The following RNF6 variants were observed in gnomAD, a reference collection of about 807,000 sequenced individuals.
The protein encoded by RNF6 is ring finger protein 6, also known as E3 ubiquitin-protein ligase RNF6.
A neutral mutation model predicts 50.1 loss-of-function variants in RNF6; 21 were observed. That is an observed-to-expected ratio of 0.42 (90% CI 0.30 to 0.60). The LOEUF (loss-of-function observed/expected upper bound fraction) is 0.60, where lower values mean the gene tolerates loss of function less well. RNF6 is among the 20% of genes least tolerant of loss of function. The probability of loss-of-function intolerance (pLI) is 0.20; values close to 1 mark genes in which losing one functional copy is unlikely to be tolerated. For missense variants in RNF6, 698 were observed against 838.2 expected (o/e 0.83, Z 2.07); for synonymous variants, 255 against 291.8 (o/e 0.87, Z 1.29).
At chr13:26,177,996 G>T (rs576294069) in intron 5 of RNF6, among the ~76,000 whole-genome samples, 1 of 152,236 alleles carries the variant, frequency 6.6e-6, no homozygotes, top group East Asian at 1.9e-4. Flanking sequence ...GACCAGCCTG[G>T]CCAACATGGT....
intron 5 of RNF6, among the ~76,000 whole-genome samples, chr13:26,159,440 C>T (rs144192687): frequency 0.019 from 2,868 of 151,998 alleles, 97 homozygotes; most frequent in African/African-American, 0.064. Flanking sequence ...CTGGATAACA[C>T]GGTGAAACGC....
At chr13:26,181,801 A>G (rs973988856) in intron 5 of RNF6, among the ~76,000 whole-genome samples, 1 of 152,172 alleles carries the variant, frequency 6.6e-6, no homozygotes, top group African/African-American at 2.4e-5. Context: ...GTTCTTAATT[A>G]TACTCTGGAG....
intron 5 of RNF6, among the ~76,000 whole-genome samples, chr13:26,170,515 A>T (rs1244269006): frequency 6.6e-6 from 1 of 152,142 alleles, no homozygotes; most frequent in African/African-American, 2.4e-5. Context: ...GGAACAAAAG[A>T]TGGGTAACAG....
chr13:26,192,709 G>A (rs1868510531), intron 5 of RNF6, among the ~76,000 whole-genome samples: 1 of 152,176 alleles, frequency 6.6e-6, no homozygotes, highest in South Asian at 2.1e-4. Flanking sequence ...AACCAGCTAG[G>A]AACAGAGGCC....
Position 26,143,513 on chromosome 13 carries a change from G to A in RNF6, n.769-11062C>T, listed in dbSNP as rs145255811. ...AAGACCTCAGAGCATAAGGTTGTAG[G>A]AACAGGAAGAAAACTTTTGCTAGTG... On this transcript the variant is annotated intron_variant and non_coding_transcript_variant, in intron 5 of 5. Transcript: ENST00000468480. 4.6e-3 allele frequency among the ~76,000 whole-genome samples: 684 copies of A among 147,180 alleles called. 1 individual carries two copies. Among genetic ancestry groups the A allele is most frequent in the African/African-American group, 0.011 (446 of 40,476 alleles).
At chr13:26,160,005 T>C (rs1386990287) in intron 5 of RNF6, among the ~76,000 whole-genome samples, 1 of 152,190 alleles carries the variant, frequency 6.6e-6, no homozygotes, top group Non-Finnish European at 1.5e-5. Context: ...CAAAATGATG[T>C]CTATGATATA....
intron 5 of RNF6, among the ~76,000 whole-genome samples, chr13:26,199,420 GA>G (rs1224273360): frequency 6.6e-6 from 1 of 152,036 alleles, no homozygotes; most frequent in Non-Finnish European, 1.5e-5. Flanking sequence ...AAAACTAAAT[GA>G]AAACAACAAC....
At chr13:26,132,312 A>G in exon 6 of RNF6, 1 of 362,186 alleles carries the variant, frequency 2.8e-6, no homozygotes, top group East Asian at 7.5e-5. Context: ...TTGTGAAGAG[A>G]AAGATAATAC....
At chr13:26,200,687 G>A (rs1299191993) in intron 5 of RNF6, among the ~76,000 whole-genome samples, 1 of 152,168 alleles carries the variant, frequency 6.6e-6, no homozygotes, top group Non-Finnish European at 1.5e-5. Flanking sequence ...TTACAGGCGT[G>A]AGCCACCATG....
At chr13:26,169,709 G>C (rs1411483410) in intron 5 of RNF6, among the ~76,000 whole-genome samples, 2 of 152,170 alleles carry the variant, frequency 1.3e-5, no homozygotes, top group African/African-American at 2.4e-5. Flanking sequence ...TTCTTTGAGA[G>C]GGTAGGAGTC....
At chr13:26,162,616 G>A (rs1221260326) in intron 5 of RNF6, among the ~76,000 whole-genome samples, 2 of 152,192 alleles carry the variant, frequency 1.3e-5, no homozygotes, top group Non-Finnish European at 2.9e-5. Context: ...CAATGGATGA[G>A]AATACTATTT....
chr13:26,142,976 A>T (rs980492913), intron 5 of RNF6, among the ~76,000 whole-genome samples: 1 of 152,300 alleles, frequency 6.6e-6, no homozygotes, highest in South Asian at 2.1e-4. Context: ...AAACATATTC[A>T]TAACAAAGTA....
At chr13:26,170,895 C>A (rs1302226582) in intron 5 of RNF6, among the ~76,000 whole-genome samples, 2 of 152,094 alleles carry the variant, frequency 1.3e-5, no homozygotes, top group Non-Finnish European at 1.5e-5. Flanking sequence ...TACCTTACAT[C>A]ATCTACAAAA....
At chr13:26,193,918 G>T (rs1038961471) in intron 5 of RNF6, among the ~76,000 whole-genome samples, 7 of 152,186 alleles carry the variant, frequency 4.6e-5, no homozygotes, top group Non-Finnish European at 1.0e-4. Context: ...AGATGTTCTT[G>T]TGTAATTATT....
intron 5 of RNF6, among the ~76,000 whole-genome samples, chr13:26,196,416 C>T (rs1320381094): frequency 2.6e-5 from 4 of 152,076 alleles, no homozygotes; most frequent in South Asian, 2.1e-4. Flanking sequence ...TTTGGGAGGC[C>T]GAGGTGGGTG....
intron 5 of RNF6, among the ~76,000 whole-genome samples, chr13:26,152,257 A>G (rs1302341955): frequency 1.3e-5 from 2 of 152,226 alleles, no homozygotes; most frequent in East Asian, 3.8e-4. Flanking sequence ...TGAAAGTTCT[A>G]CGTTTCCCAC....
intron 5 of RNF6, among the ~76,000 whole-genome samples, chr13:26,141,076 C>T (rs931360116): frequency 6.6e-6 from 1 of 152,150 alleles, no homozygotes; most frequent in Non-Finnish European, 1.5e-5. Flanking sequence ...AGATTCAATG[C>T]TATTTCTATC....
chr13:26,218,025 A>G (rs974221207), intron 4 of RNF6, among the ~76,000 whole-genome samples: 1 of 152,236 alleles, frequency 6.6e-6, no homozygotes, highest in African/African-American at 2.4e-5. Flanking sequence ...GAGGAACACA[A>G]AAGTGGCTTT....
intron 5 of RNF6, among the ~76,000 whole-genome samples, chr13:26,174,435 G>C (rs1386428077): frequency 6.6e-6 from 1 of 151,892 alleles, no homozygotes; most frequent in East Asian, 1.9e-4. Flanking sequence ...TGGATCACTT[G>C]AGGTCAGGAG....
Sources: allele counts gnomAD v4.1 joint callset (sites outside exome capture counted in the v4.1 genomes callset), GRCh38; gene constraint gnomAD v4.1.1; transcripts MANE v1.5; gene names NCBI Gene and HGNC (gene_info 2026-07-23, HGNC 2026-07-21).